Variants in PLCB4 observed in about 807,000 individuals in gnomAD.
PLCB4 encodes the protein 1-phosphatidylinositol 4,5-bisphosphate phosphodiesterase beta-4.
Under a neutral mutation model 178.8 loss-of-function variants are expected in PLCB4, and 77 were observed. That is an observed-to-expected ratio of 0.43 (90% confidence interval 0.36 to 0.52). PLCB4 has a LOEUF of 0.52. Among genes scored for constraint, PLCB4 ranks in the 20% least tolerant of loss-of-function variants. PLCB4 has a pLI of 0.00. For synonymous variants in PLCB4, 496 were observed against 490.8 expected, an observed-to-expected ratio of 1.01 and a Z score of -0.14; for missense variants, 1,024 against 1,453.4, an observed-to-expected ratio of 0.70 and a Z score of 4.80.
intron 32 of PLCB4, among the ~76,000 whole-genome samples, chr20:9,449,006 T>C (rs2042584858): frequency 6.6e-6 from 1 of 152,174 alleles, no homozygotes; most frequent in African/African-American, 2.4e-5. Flanking sequence ...CATTAAAATG[T>C]CTATTTTTGG....
At chr20:9,091,642 C>T (rs1323231505) in intron 1 of PLCB4, among the ~76,000 whole-genome samples, 1 of 150,594 alleles carries the variant, frequency 6.6e-6, no homozygotes, top group African/African-American at 2.4e-5. Flanking sequence ...TAGTGCCTAA[C>T]TGGGGAGCGG....
chr20:9,333,781 T>C (rs908736286), intron 4 of PLCB4, among the ~76,000 whole-genome samples: 2 of 152,042 alleles, frequency 1.3e-5, no homozygotes, highest in Admixed American at 1.3e-4. Flanking sequence ...CGAAATATTA[T>C]AGAAGAAGAC....
chr20:9,315,248 C>T (rs923232314), intron 4 of PLCB4, among the ~76,000 whole-genome samples: 4 of 152,170 alleles, frequency 2.6e-5, no homozygotes, highest in African/African-American at 9.7e-5. Flanking sequence ...TAGGCTACAA[C>T]AAGCTATATA....
chr20:9,375,984 A>G (rs1022223175), intron 12 of PLCB4, among the ~76,000 whole-genome samples: 8 of 152,110 alleles, frequency 5.3e-5, no homozygotes, highest in Non-Finnish European at 1.0e-4. Context: ...GTTTTTATTC[A>G]TATACTAATG....
At chr20:9,203,637 A>G (rs369230280) in intron 2 of PLCB4, among the ~76,000 whole-genome samples, 3 of 152,114 alleles carry the variant, frequency 2.0e-5, no homozygotes, top group Admixed American at 6.5e-5. Flanking sequence ...CTTCACAACA[A>G]TGAGTTAGGT....
intron 12 of PLCB4, among the ~76,000 whole-genome samples, chr20:9,377,532 T>C (rs976806281): frequency 1.3e-5 from 2 of 152,208 alleles, no homozygotes; most frequent in African/African-American, 4.8e-5. Context: ...TGTTACCTTT[T>C]TGAAGCATGA....
intron 37 of PLCB4, 114 bp from the exon 38 acceptor site, chr20:9,473,164 TA>T: frequency 3.2e-6 from 2 of 620,128 alleles, no homozygotes; most frequent in Non-Finnish European, 5.4e-6. Flanking sequence ...GATGATTTTT[TA>T]AAAAATTATT....
At chr20:9,071,893 G>A (rs987363347) in intron 1 of PLCB4, among the ~76,000 whole-genome samples, 2 of 152,122 alleles carry the variant, frequency 1.3e-5, no homozygotes, top group African/African-American at 4.8e-5. Context: ...GATTAGCACC[G>A]CCGACCCAGG....
chr20:9,353,599 A>C (rs368289587), intron 7 of PLCB4, among the ~76,000 whole-genome samples: 3 of 152,204 alleles, frequency 2.0e-5, no homozygotes, highest in African/African-American at 7.2e-5. Context: ...TTTGAAAGAT[A>C]AAATGTTCAT....
chr20:9,294,245 G>A (rs1201405144), intron 3 of PLCB4, among the ~76,000 whole-genome samples: 2 of 152,126 alleles, frequency 1.3e-5, no homozygotes, highest in African/African-American at 4.8e-5. Flanking sequence ...AGTTATTTAA[G>A]TGACTGTGAA....
At chr20:9,291,501 A>G (rs570484146) in intron 3 of PLCB4, among the ~76,000 whole-genome samples, 1 of 152,132 alleles carries the variant, frequency 6.6e-6, no homozygotes, top group Non-Finnish European at 1.5e-5. Context: ...TTCAGACTGG[A>G]TGTATTTTTG....
chr20:9,174,064 G>A (rs538513654), intron 2 of PLCB4, among the ~76,000 whole-genome samples: 72 of 152,076 alleles, frequency 4.7e-4, no homozygotes, highest in African/African-American at 8.9e-4. Flanking sequence ...TTAAATAATC[G>A]CACAAAAATA....
At chr20:9,209,102 C>G (rs564458062) in intron 2 of PLCB4, among the ~76,000 whole-genome samples, 1 of 152,144 alleles carries the variant, frequency 6.6e-6, no homozygotes, top group South Asian at 2.1e-4. Flanking sequence ...TGTCACTTTT[C>G]TAGACATCTA....
chr20:9,293,965 A>G (rs2094606710), intron 3 of PLCB4, among the ~76,000 whole-genome samples: 1 of 152,186 alleles, frequency 6.6e-6, no homozygotes, highest in Non-Finnish European at 1.5e-5. Context: ...ATTCTGATAA[A>G]TACAGAGAGG....
Position 9,327,014 on chromosome 20 carries a change from C to T in PLCB4, c.85-10112C>T, listed in dbSNP as rs754054014. Reference sequence around the variant, plus strand: ...CTGCATCCTCTTGGGTGACTTGCCTCACCTCAGTTAGGAAAAGTTTTCTCA... The same window carrying T: ...CTGCATCCTCTTGGGTGACTTGCCTTACCTCAGTTAGGAAAAGTTTTCTCA... On this transcript the variant is annotated intron_variant, in intron 4 of 39. Coordinates refer to ENST00000378473, the MANE Select transcript of PLCB4 (RefSeq NM_001377142.1). Among the ~76,000 whole-genome samples the T allele has an allele frequency of 3.3e-5, 5 of 152,260 alleles. No individual in the cohort carries two copies. In the South Asian group the frequency reaches 6.2e-4, roughly 19 times the overall value.
In PLCB4 at chr20:9,362,828, T is replaced by C. The variant is rs888666191; in HGVS notation, c.370-68T>C. 1.2e-5 allele frequency: 11 copies of C among 897,260 alleles called. No individual in the cohort carries two copies. The African/African-American group carries it at 1.8e-4, about 15-fold the overall frequency. The allele number at this position is 897,260 out of a possible 1,614,324, so 55.6% of individuals were successfully genotyped here. On this transcript the variant is annotated intron_variant, in intron 7 of 39. Coordinates refer to ENST00000378473, the MANE Select transcript of PLCB4 (RefSeq NM_001377142.1). ...TTACACAAAATGGATACAATCTATC[T>C]AATAAAAACTGCTCTATTTGACTCC... is the stretch of plus-strand genomic sequence containing the variant.
intron 1 of PLCB4, among the ~76,000 whole-genome samples, chr20:9,081,826 G>GA (rs555651307): frequency 7.5e-6 from 1 of 132,850 alleles, no homozygotes; most frequent in Non-Finnish European, 1.6e-5. Context: ...ACCTATTAAA[G>GA]AAAAAAGTAT....
chr20:9,094,326 C>A (rs562832765), intron 1 of PLCB4, among the ~76,000 whole-genome samples: 1 of 152,010 alleles, frequency 6.6e-6, no homozygotes, highest in East Asian at 1.9e-4. Flanking sequence ...TATTCAAAGC[C>A]ATTTTTATAA....
chr20:9,233,102 TC>T (rs1430383920), intron 3 of PLCB4, among the ~76,000 whole-genome samples: 2 of 152,112 alleles, frequency 1.3e-5, no homozygotes, highest in African/African-American at 4.8e-5. Context: ...TTAAGCCAAA[TC>T]ATAGTCTAGT....
Sources: gnomAD v4.1 joint callset for allele counts (sites outside exome capture counted in the v4.1 genomes callset) on GRCh38, gnomAD v4.1.1 for gene constraint, MANE v1.5 for transcripts, NCBI Gene and HGNC (gene_info 2026-07-23, HGNC 2026-07-21) for gene names.